Variants in ATP2B2 observed in about 807,000 individuals in gnomAD.
The protein encoded by ATP2B2 is plasma membrane calcium-transporting ATPase 2.
A neutral mutation model predicts 120.0 loss-of-function variants in ATP2B2; 15 were observed. That is an observed-to-expected ratio of 0.12 (90% confidence interval 0.08 to 0.19). The LOEUF (loss-of-function observed/expected upper bound fraction) is 0.19. Among genes scored for constraint, ATP2B2 ranks in the 10% least tolerant of loss-of-function variants. The pLI, the probability that ATP2B2 is intolerant of heterozygous loss-of-function variation, is 1.00. For missense variants in ATP2B2, 1,045 were observed against 1,719.8 expected, an observed-to-expected ratio of 0.61 and a Z score of 6.94; for synonymous variants, 694 against 700.3, an observed-to-expected ratio of 0.99 and a Z score of 0.14.
intron 2 of ATP2B2, among the ~76,000 whole-genome samples, chr3:10,539,903 A>T (rs1192642884): frequency 2.0e-5 from 3 of 152,242 alleles, no homozygotes; most frequent in Admixed American, 6.5e-5. Context: ...CTGCACAGCA[A>T]AAGAAACTAC....
At chr3:10,601,323 G>C (rs778262495) in intron 2 of ATP2B2, among the ~76,000 whole-genome samples, 1 of 152,140 alleles carries the variant, frequency 6.6e-6, no homozygotes, top group African/African-American at 2.4e-5. Context: ...CATAATAAGG[G>C]GGGCAGCCAC....
intron 2 of ATP2B2, among the ~76,000 whole-genome samples, chr3:10,542,519 G>A (rs777067672): frequency 2.0e-5 from 3 of 152,116 alleles, no homozygotes; most frequent in African/African-American, 7.2e-5. Flanking sequence ...CATTCTTTTA[G>A]GATAGGTCTT....
chr3:10,399,062 G>T (rs1291321006), intron 5 of ATP2B2, among the ~76,000 whole-genome samples: 1 of 152,116 alleles, frequency 6.6e-6, no homozygotes. Flanking sequence ...TCTCTCTCCA[G>T]CTTCCTGCCA....
In ATP2B2 at chr3:10,328,946, C is replaced by A; in HGVS notation, c.3600G>T (p.Ser1200=). The change falls in exon 23 of 23, where the codon TCG becomes TCT. Residue 1200 remains serine, a synonymous_variant. Coordinates refer to ENST00000360273, the MANE Select transcript of ATP2B2 (RefSeq NM_001001331.4). The part of the protein sequence containing the change: ...LEEDAALKQN[S]SPPSSLNKNN... ...TCTTGTTGAGGGATGACGGCGGGCT[C>A]GAGTTCTGCTTGAGCGCGGCATCTT... 6.2e-7 allele frequency: 1 copy of A among 1,613,762 alleles called. No individual in the cohort carries two copies. The highest frequency in any genetic ancestry group is 8.5e-7 in the Non-Finnish European group (1 of 1,179,970).
At chr3:10,583,287 T>C (rs559148529) in intron 2 of ATP2B2, among the ~76,000 whole-genome samples, 12 of 152,352 alleles carry the variant, frequency 7.9e-5, no homozygotes, top group African/African-American at 2.9e-4. Context: ...GATGTCCAAG[T>C]GTTTAGGGAA....
chr3:10,529,160 G>A (rs1158265508), intron 3 of ATP2B2, among the ~76,000 whole-genome samples: 1 of 152,220 alleles, frequency 6.6e-6, no homozygotes, highest in Non-Finnish European at 1.5e-5. Context: ...AGGGAGTAGG[G>A]GCTCCCCAGA....
At chr3:10,494,349 T>C (rs2066056005) in intron 1 of ATP2B2, among the ~76,000 whole-genome samples, 1 of 152,178 alleles carries the variant, frequency 6.6e-6, no homozygotes, top group Non-Finnish European at 1.5e-5. Context: ...CCCATGAGGT[T>C]GGTACTAGTA....
intron 1 of ATP2B2, among the ~76,000 whole-genome samples, chr3:10,465,930 G>A (rs771447472): frequency 2.0e-5 from 3 of 152,216 alleles, no homozygotes; most frequent in Admixed American, 2.0e-4. Context: ...ACCGCAGGAA[G>A]AAGAGACACT....
intron 8 of ATP2B2, among the ~76,000 whole-genome samples, chr3:10,381,507 C>T (rs968915237): frequency 2.6e-5 from 4 of 152,102 alleles, no homozygotes; most frequent in African/African-American, 4.8e-5. Context: ...AGAGTGAACA[C>T]GTGATCAGAA....
intron 2 of ATP2B2, among the ~76,000 whole-genome samples, chr3:10,413,984 C>A (rs2062698938): frequency 6.6e-6 from 1 of 152,190 alleles, no homozygotes; most frequent in African/African-American, 2.4e-5. Context: ...CAATTCCCTT[C>A]TCTGAGCTAC....
At chr3:10,417,792 A>G (rs34917) in intron 2 of ATP2B2, among the ~76,000 whole-genome samples, 85,214 of 151,922 alleles carry the variant, frequency 0.56, 24,277 homozygotes, top group South Asian at 0.73. Context: ...GTGAGGGTTG[A>G]TCAGATGAAG....
At chr3:10,337,678 C>T (rs1374733538) in intron 22 of ATP2B2, among the ~76,000 whole-genome samples, 1 of 152,074 alleles carries the variant, frequency 6.6e-6, no homozygotes, top group Non-Finnish European at 1.5e-5. Flanking sequence ...ACCTTTGCTC[C>T]CCAGAGCCTC....
intron 2 of ATP2B2, among the ~76,000 whole-genome samples, chr3:10,594,577 G>A (rs1316214499): frequency 7.3e-6 from 1 of 136,742 alleles, no homozygotes; most frequent in Non-Finnish European, 1.5e-5. Flanking sequence ...TGGGGTGGGG[G>A]GAGGGGGGAG....
intron 1 of ATP2B2, among the ~76,000 whole-genome samples, chr3:10,701,317 C>T (rs1455873150): frequency 6.6e-6 from 1 of 152,234 alleles, no homozygotes; most frequent in Non-Finnish European, 1.5e-5. Context: ...CCTCACCCTT[C>T]ATGGTTCACC....
In ATP2B2 at chr3:10,346,497, G is replaced by A. The variant is rs2060435833; in HGVS notation, c.2405-360C>T. The stretch of plus-strand genomic sequence containing the variant: ...CCTCTGCCTCAGCAGGGCTCCCAGG[G>A]TTTCAGCAGGACCTCACCATCTGTT... On this transcript the variant is annotated intron_variant, in intron 16 of 22. Coordinates refer to ENST00000360273, the MANE Select transcript of ATP2B2 (RefSeq NM_001001331.4). This position sits in a 1 kb window ranked among gnomAD's most constrained non-coding sequence, Gnocchi z 4.1. Among the ~76,000 whole-genome samples, 2 of 152,202 alleles carry A rather than the reference G, an allele frequency of 1.3e-5. No individual in the cohort carries two copies. The highest frequency in any genetic ancestry group is 4.1e-4 in the South Asian group (2 of 4,834).
At chr3:10,426,777 TAA>T (rs970347041) in intron 2 of ATP2B2, among the ~76,000 whole-genome samples, 7 of 140,562 alleles carry the variant, frequency 5.0e-5, no homozygotes, top group Non-Finnish European at 1.1e-4. Context: ...TCCCTGCTCT[TAA>T]AAAAGAGAGC....
rs779632957 is a variant in ATP2B2, at chr3:10,656,117, G to T, written c.-459-36156C>A. 3.3e-5 allele frequency among the ~76,000 whole-genome samples: 5 copies of T among 152,324 alleles called. No individual in the cohort carries two copies. The East Asian group carries it at 5.8e-4, about 18-fold the overall frequency. ...TCTGACTTATTTCAGAGGCAGTGGG[G>T]ATGGCTGGGAGTTTGGAGGAGGGAA... is the stretch of plus-strand genomic sequence containing the variant. On this transcript the variant is annotated intron_variant, in intron 1 of 21. Coordinates refer to the ATP2B2 transcript ENST00000646379.
intron 1 of ATP2B2, among the ~76,000 whole-genome samples, chr3:10,693,249 TG>T (rs2071695903): frequency 6.6e-6 from 1 of 152,262 alleles, no homozygotes; most frequent in African/African-American, 2.4e-5. Context: ...TTTAAAGTCA[TG>T]GATATTCAAC....
chr3:10,450,319 C>A (rs1222485378), intron 1 of ATP2B2, among the ~76,000 whole-genome samples: 1 of 152,002 alleles, frequency 6.6e-6, no homozygotes, highest in African/African-American at 2.4e-5. Flanking sequence ...ACCCAGACTC[C>A]ATTTCCCTCT....
Sources: allele counts gnomAD v4.1 joint callset (sites outside exome capture counted in the v4.1 genomes callset), GRCh38; gene constraint gnomAD v4.1.1; non-coding constraint Gnocchi (gnomAD v3.1); transcripts MANE v1.5; gene names NCBI Gene and HGNC (gene_info 2026-07-23, HGNC 2026-07-21).